Variants in TNS1 observed in about 807,000 individuals in gnomAD.
The protein encoded by TNS1 is tensin-1.
TNS1 carries 62 observed loss-of-function variants against 168.6 expected under a neutral mutation model. The ratio of observed to expected loss-of-function variants is 0.37; its 90% CI spans 0.30 to 0.45. The LOEUF is 0.45. Ranked by LOEUF, TNS1 falls within the 20% of genes least tolerant of loss-of-function variation. The pLI, the probability that TNS1 is intolerant of heterozygous loss-of-function variation, is 1.00. For missense variants in TNS1, 2,240 were observed against 2,339.4 expected, an observed-to-expected ratio of 0.96 and a Z score of 0.88; for synonymous variants, 934 against 933.2, an observed-to-expected ratio of 1.00 and a Z score of -0.02.
intron 2 of TNS1, among the ~76,000 whole-genome samples, chr2:217,981,752 G>A (rs114365926): frequency 6.6e-6 from 1 of 152,336 alleles, no homozygotes; most frequent in African/African-American, 2.4e-5. Flanking sequence ...CTATCCACCT[G>A]TCTCACATAT....
rs763181182 is a variant in TNS1, at chr2:217,892,998, C to T, written c.732G>A (p.Arg244=). ...VVLHNKGNRG[R]IGVVIAAYMH... ...TGTAAGCCGCGATGACAACTCCTAT[C>T]CTGCCTCGGTTTCCCTGAAAGAGCC... Residue 244 remains arginine (R), a synonymous_variant, in exon 11 of 33, where the codon AGG becomes AGA. Transcript: ENST00000682258. 2 of 1,614,178 alleles carry T rather than the reference C, an allele frequency of 1.2e-6. No homozygotes were observed. The highest frequency in any genetic ancestry group is 1.7e-6 in the Non-Finnish European group (2 of 1,180,012).
intron 18 of TNS1, among the ~76,000 whole-genome samples, chr2:217,876,928 T>C (rs1950251971): frequency 6.6e-6 from 1 of 152,182 alleles, no homozygotes. Context: ...CCTGGGTCTG[T>C]GGTGCTTTGC....
chr2:217,998,761 A>C (rs1958512177), intron 1 of TNS1, among the ~76,000 whole-genome samples: 1 of 152,146 alleles, frequency 6.6e-6, no homozygotes, highest in Non-Finnish European at 1.5e-5. Context: ...TGGCCTCCCA[A>C]AGTGCTGGGA....
At chr2:218,025,144 G>A (rs1043754808) in intron 1 of TNS1, among the ~76,000 whole-genome samples, 30 of 152,168 alleles carry the variant, frequency 2.0e-4, no homozygotes, top group African/African-American at 7.2e-4. Context: ...AAAGGCCCTG[G>A]ACCTCTTCAT....
chr2:218,031,039 AGT>A (rs1198235211), intron 1 of TNS1, among the ~76,000 whole-genome samples: 2 of 147,880 alleles, frequency 1.4e-5, no homozygotes, highest in Non-Finnish European at 3.0e-5. Flanking sequence ...TGTGTATGTG[AGT>A]GAGCATGTGA....
chr2:217,825,675 C>T (rs1423918698), intron 22 of TNS1, among the ~76,000 whole-genome samples: 3 of 152,036 alleles, frequency 2.0e-5, no homozygotes, highest in Non-Finnish European at 2.9e-5. Flanking sequence ...CTGTGGCTTG[C>T]GGGTGCTTAC....
chr2:217,909,077 C>A (rs1217808337), intron 4 of TNS1, among the ~76,000 whole-genome samples: 1 of 147,842 alleles, frequency 6.8e-6, no homozygotes, highest in Non-Finnish European at 1.5e-5. Flanking sequence ...ACCCACCCCT[C>A]TACCAGGGAC....
chr2:217,989,747 G>A (rs1958303959), intron 2 of TNS1, among the ~76,000 whole-genome samples: 1 of 152,010 alleles, frequency 6.6e-6, no homozygotes, highest in Non-Finnish European at 1.5e-5. Context: ...GAGAGGGCTG[G>A]GGCGTCCTTT....
intron 3 of TNS1, among the ~76,000 whole-genome samples, chr2:217,963,889 C>CAAAAAAAA (rs58953604): frequency 0.055 from 6,879 of 125,704 alleles, 154 homozygotes; most frequent in Non-Finnish European, 0.061. Context: ...ACTAAAAATA[C>CAAAAAAAA]AAAAAAAAAA....
chr2:217,829,786 GCTT>G, intron 22 of TNS1: 6 of 1,088,374 alleles, frequency 5.5e-6, no homozygotes, highest in Non-Finnish European at 7.8e-6. Flanking sequence ...TTCAAGCCCT[GCTT>G]TGAAAAGCCA....
chr2:217,831,586 G>A lies in TNS1; in HGVS notation c.3281-39C>T, dbSNP rs771077138. 1.2e-5 allele frequency: 17 copies of A among 1,428,746 alleles called. No homozygotes were observed. In the Middle Eastern group the frequency reaches 9.5e-4, roughly 80 times the overall value. 88.5% of individuals were successfully genotyped at this position (1,428,746 alleles called of 1,614,324 possible). On this transcript the variant is annotated intron_variant, in intron 21 of 32. Transcript: ENST00000682258. ...AAGAGGGGAGACACAGGGAGTGAGA[G>A]GTGGGCAGGAGGGCAGACACGCCAG...
At position 217,808,033 on chromosome 2, in the gene TNS1, C is replaced by T. The variant is rs199994608; in HGVS notation, c.5375+42G>A. On this transcript the variant is annotated intron_variant, in intron 32 of 32. Transcript: ENST00000682258. The stretch of plus-strand genomic sequence containing the variant: ...CCCGTGCTTCCCTCACTGTGAAGTA[C>T]AAAGGCCAGCCTGCTGGGCAGGGGT... The T allele has an allele frequency of 7.1e-4, 1,143 of 1,612,098 alleles. 1 individual carries two copies. Among genetic ancestry groups the T allele is most frequent in the Non-Finnish European group, 9.1e-4 (1,069 of 1,179,388 alleles).
chr2:217,907,333 G>A (rs908903833), intron 4 of TNS1, 82 bp from the exon 5 acceptor site: 4 of 693,530 alleles, frequency 5.8e-6, no homozygotes, highest in Non-Finnish European at 1.1e-5. Flanking sequence ...TAGTGGCCCT[G>A]ATGGGCAGAA....
At chr2:217,900,647 C>T in intron 6 of TNS1, 135 bp from the exon 7 acceptor site, 1 of 981,252 alleles carries the variant, frequency 1.0e-6, no homozygotes, top group Non-Finnish European at 1.5e-6. Flanking sequence ...GCCACCCTAA[C>T]CCCTGCAAAA....
chr2:217,814,916 C>A lies in TNS1; in HGVS notation c.4725G>T (p.Glu1575Asp), dbSNP rs1286597772. The stretch of plus-strand genomic sequence containing the variant: ...ACCACAGAGCCCAGCACTCACCCTG[C>A]TCCCTGGAGATCTCAGGCTTGTACC... ...KYWYKPEISR[E>D]QAIALLKDQE... is the part of the protein sequence containing the mutation. Residue 1575 changes from glutamate (E) to aspartate (D), a missense_variant, in exon 25 of 33, where the codon GAG (glutamate) becomes GAT (aspartate). Glu to Asp is a conservative substitution (Grantham distance 45, BLOSUM62 2). Transcript: ENST00000682258. 6.2e-7 allele frequency: 1 copy of A among 1,612,940 alleles called. No homozygotes were observed. Among genetic ancestry groups the A allele is most frequent in the Non-Finnish European group, 8.5e-7 (1 of 1,179,494 alleles).
At chr2:217,905,587 A>C in intron 6 of TNS1, 2 of 242,796 alleles carry the variant, frequency 8.2e-6, no homozygotes. Flanking sequence ...CACCAAAACC[A>C]CTCCCTGTTC....
intron 3 of TNS1, among the ~76,000 whole-genome samples, chr2:217,970,539 A>G (rs1343194537): frequency 6.6e-6 from 1 of 152,184 alleles, no homozygotes; most frequent in African/African-American, 2.4e-5. Context: ...CATGGGCTAC[A>G]CTCATATAAT....
chr2:217,942,139 C>T (rs1023262374), intron 3 of TNS1, among the ~76,000 whole-genome samples: 23 of 152,204 alleles, frequency 1.5e-4, no homozygotes, highest in African/African-American at 5.3e-4. Context: ...TGTGAAGAAG[C>T]ATGGGATGAG....
At chr2:217,870,668 G>A (rs1016540623) in intron 18 of TNS1, among the ~76,000 whole-genome samples, 1 of 152,184 alleles carries the variant, frequency 6.6e-6, no homozygotes, top group Non-Finnish European at 1.5e-5. Flanking sequence ...GGCTCTGAGC[G>A]TGGCTCCGGC....
Sources: allele counts gnomAD v4.1 joint callset (sites outside exome capture counted in the v4.1 genomes callset), GRCh38; gene constraint gnomAD v4.1.1; transcripts MANE v1.5; gene names NCBI Gene and HGNC (gene_info 2026-07-23, HGNC 2026-07-21).